The following PDZD2 variants were observed in gnomAD, a reference collection of about 807,000 sequenced individuals.
The protein encoded by PDZD2 is PDZ domain-containing protein 2.
Under a neutral mutation model 220.7 loss-of-function variants are expected in PDZD2, and 90 were observed. The observed-to-expected ratio is 0.41, with a 90% CI of 0.34 to 0.49. PDZD2 has a LOEUF of 0.49. Ranked by LOEUF, PDZD2 falls within the 20% of genes least tolerant of loss-of-function variation. PDZD2 has a pLI of 0.28. For synonymous variants in PDZD2, 1,375 were observed against 1,450.5 expected, an observed-to-expected ratio of 0.95 and a Z score of 1.18; for missense variants, 3,174 against 3,608.5, an observed-to-expected ratio of 0.88 and a Z score of 3.08.
chr5:31,751,098 T>C lies in PDZD2; in HGVS notation c.-360-47791T>C, dbSNP rs115789416. ...TCTCTACTAAAAATACAAAAGTACC[T>C]GGGCGTGGTGGCACGCGCCTGTAGT... is the stretch of plus-strand genomic sequence containing the variant. On this transcript the variant is annotated intron_variant, in intron 1 of 24. Transcript: ENST00000438447. Among the ~76,000 whole-genome samples, 1,102 of 152,118 alleles carry C rather than the reference T, an allele frequency of 7.2e-3. 11 individuals are homozygous for C. The highest frequency in any genetic ancestry group is 0.023 in the African/African-American group (973 of 41,502).
intron 6 of PDZD2, among the ~76,000 whole-genome samples, chr5:32,011,026 C>CAAAA (rs1753273778): frequency 2.3e-5 from 3 of 129,254 alleles, no homozygotes; most frequent in Non-Finnish European, 3.1e-5. Context: ...AAAAAAACAA[C>CAAAA]AACAACAACA....
At chr5:32,050,133 G>T (rs531261816) in intron 8 of PDZD2, among the ~76,000 whole-genome samples, 2 of 152,072 alleles carry the variant, frequency 1.3e-5, no homozygotes, top group African/African-American at 4.8e-5. Context: ...GTTTCATCAT[G>T]TTGGCCAGGC....
At chr5:31,978,947 T>C (rs1750033757) in intron 2 of PDZD2, among the ~76,000 whole-genome samples, 1 of 151,976 alleles carries the variant, frequency 6.6e-6, no homozygotes, top group African/African-American at 2.4e-5. Context: ...CAAGATAAAC[T>C]CCTCTTGGCT....
In PDZD2 at chr5:31,995,691, A is replaced by G. The variant is rs1751571484; in HGVS notation, c.1094A>G (p.Gln365Arg). The G allele has an allele frequency of 1.2e-6, 2 of 1,613,924 alleles. No homozygotes were observed. Among genetic ancestry groups the G allele is most frequent in the Non-Finnish European group, 8.5e-7 (1 of 1,180,010 alleles). Residue 365 changes from glutamine to arginine, a missense_variant, in exon 4 of 25, where the codon CAA becomes CGA. By Grantham distance (43) the Gln-to-Arg change is conservative. Coordinates refer to ENST00000438447, the MANE Select transcript of PDZD2 (RefSeq NM_178140.4). ...KRSPHAIVVT[Q>R]VKEGGAAHRD... ...TCACCTCACGCTATCGTTGTCACTC[A>G]AGTGAAGGAAGGAGGTGCCGCTCAC...
chr5:31,908,803 G>A (rs1742921851), intron 2 of PDZD2: 1 of 671,876 alleles, frequency 1.5e-6, no homozygotes, highest in South Asian at 1.4e-5. Flanking sequence ...CCAGCACTTT[G>A]GGAGGCTGAG....
In PDZD2 at chr5:31,908,764, G is replaced by A. The variant is rs917068037; in HGVS notation, c.477-74391G>A. On this transcript the variant is annotated intron_variant, in intron 2 of 24. Coordinates refer to ENST00000438447, the MANE Select transcript of PDZD2 (RefSeq NM_178140.4). ...GTAATTTCAAAAACGACCAGTTCTG[G>A]CCGGGCGTGGTGGCTCACGCCTATA... The A allele has an allele frequency of 1.1e-5, 10 of 935,956 alleles. No homozygotes were observed. In the South Asian group the frequency reaches 1.3e-4, roughly 12 times the overall value. 58.0% of individuals were successfully genotyped at this position (935,956 alleles called of 1,614,324 possible). A position where few individuals can be genotyped will look rare whatever the true frequency, so the allele number is the denominator to read the frequency against.
At chr5:31,720,866 G>T (rs1279825292) in intron 1 of PDZD2, among the ~76,000 whole-genome samples, 3 of 152,170 alleles carry the variant, frequency 2.0e-5, no homozygotes, top group African/African-American at 7.2e-5. Flanking sequence ...TGGGGAGAAG[G>T]TGGGAGTTAG....
intron 1 of PDZD2, among the ~76,000 whole-genome samples, chr5:31,774,082 G>A (rs548045341): frequency 6.6e-6 from 1 of 152,188 alleles, no homozygotes; most frequent in Non-Finnish European, 1.5e-5. Flanking sequence ...ACAGCTTTAT[G>A]CCCAGAGCAG....
intron 1 of PDZD2, 68 bp from the exon 2 acceptor site, chr5:31,798,821 A>G (rs35298027): frequency 0.079 from 13,808 of 175,848 alleles, 695 homozygotes; most frequent in South Asian, 0.19. Flanking sequence ...ACAGGAGGCT[A>G]TGTTTTCTAG....
At chr5:32,002,050 C>G (rs188531392) in intron 5 of PDZD2, among the ~76,000 whole-genome samples, 42 of 152,252 alleles carry the variant, frequency 2.8e-4, no homozygotes, top group African/African-American at 9.6e-4. Context: ...CGTCATAGGT[C>G]TCTTTATATT....
At chr5:31,680,585 G>A (rs1746610846) in intron 1 of PDZD2, among the ~76,000 whole-genome samples, 1 of 152,154 alleles carries the variant, frequency 6.6e-6, no homozygotes, top group African/African-American at 2.4e-5. Flanking sequence ...GCCTTGAGGG[G>A]CTGGAATCGA....
At chr5:32,008,881 C>T (rs531750564) in intron 5 of PDZD2, among the ~76,000 whole-genome samples, 1 of 152,236 alleles carries the variant, frequency 6.6e-6, no homozygotes, top group East Asian at 1.9e-4. Flanking sequence ...CCCGCGTGGG[C>T]CTCAGTCGTG....
intron 2 of PDZD2, among the ~76,000 whole-genome samples, chr5:31,818,094 C>T (rs904322362): frequency 4.6e-5 from 7 of 151,664 alleles, no homozygotes; most frequent in East Asian, 1.9e-4. Context: ...CTCAGCCTCA[C>T]GAGTAGCTGG....
intron 2 of PDZD2, among the ~76,000 whole-genome samples, chr5:31,870,200 G>C (rs1738657664): frequency 6.6e-6 from 1 of 152,094 alleles, no homozygotes; most frequent in South Asian, 2.1e-4. Flanking sequence ...CCTGCTGAGG[G>C]AAAAGGGCAT....
At chr5:32,075,860 G>T (rs161548) in intron 18 of PDZD2, among the ~76,000 whole-genome samples, 40,642 of 151,878 alleles carry the variant, frequency 0.27, 6,585 homozygotes, top group East Asian at 0.47. Context: ...GGCAAAAGTC[G>T]TTTTTTTAAC....
rs143320561 is a variant in PDZD2 at position 31,923,443 on chromosome 5, G to T, written c.477-59712G>T. ...GGGGGCCAGTTTGCCATCCACTTGG[G>T]CTTTATCCCTCTTGTGATTTACCTG... On this transcript the variant is annotated intron_variant, in intron 2 of 24. Transcript: ENST00000438447. The T allele has an allele frequency of 1.1e-4, 118 of 1,118,162 alleles. No homozygotes were observed. In the African/African-American group the frequency reaches 1.6e-3, roughly 15 times the overall value. The allele number at this position is 1,118,162 out of a possible 1,614,324, so 69.3% of individuals were successfully genotyped here. A position where few individuals can be genotyped will look rare whatever the true frequency, so the allele number is the denominator to read the frequency against.
intron 1 of PDZD2, among the ~76,000 whole-genome samples, chr5:31,690,331 T>G (rs958316810): frequency 7.9e-5 from 12 of 152,084 alleles, no homozygotes; most frequent in Admixed American, 5.2e-4. Context: ...GCCTGGAATG[T>G]GCTGTGCATG....
At chr5:32,042,747 C>T (rs1359315775) in intron 7 of PDZD2, among the ~76,000 whole-genome samples, 1 of 152,150 alleles carries the variant, frequency 6.6e-6, no homozygotes, top group Non-Finnish European at 1.5e-5. Flanking sequence ...GGTGACCAGC[C>T]CCTTCCAGCC....
At chr5:31,799,771 C>CACCAGGTTCCCG in intron 2 of PDZD2, 47 bp downstream of exon 2, 5 of 1,280,668 alleles carry the variant, frequency 3.9e-6, no homozygotes, top group Non-Finnish European at 5.7e-6. Context: ...ACACGGGAAC[C>CACCAGGTTCCCG]TGGTGGTTCC....
Sources: gnomAD v4.1 joint callset for allele counts (sites outside exome capture counted in the v4.1 genomes callset) on GRCh38, gnomAD v4.1.1 for gene constraint, MANE v1.5 for transcripts, NCBI Gene and HGNC (gene_info 2026-07-23, HGNC 2026-07-21) for gene names.